Variants in NLGN1 observed in about 807,000 individuals in gnomAD.
The protein encoded by NLGN1 is neuroligin-1.
NLGN1 carries 12 observed loss-of-function variants against 65.5 expected under a neutral mutation model. The ratio of observed to expected loss-of-function variants is 0.18; its 90% CI spans 0.12 to 0.30. NLGN1 has a LOEUF of 0.30. NLGN1 is among the 10% of genes least tolerant of loss of function. The pLI is 1.00. For missense variants in NLGN1, 750 were observed against 1,007.1 expected (o/e 0.74, Z 3.46); for synonymous variants, 350 against 359.5 (o/e 0.97, Z 0.30).
intron 4 of NLGN1, among the ~76,000 whole-genome samples, chr3:174,167,144 C>T (rs1727649840): frequency 6.6e-6 from 1 of 152,040 alleles, no homozygotes; most frequent in African/African-American, 2.4e-5. Context: ...CAACTTGTCA[C>T]TCTGTGCCTT....
chr3:173,464,986 C>T (rs970732890), intron 2 of NLGN1, among the ~76,000 whole-genome samples: 5 of 152,038 alleles, frequency 3.3e-5, no homozygotes, highest in African/African-American at 1.2e-4. Context: ...ATTCATTCAA[C>T]TTCTACTTAA....
intron 2 of NLGN1, among the ~76,000 whole-genome samples, chr3:173,551,379 G>T (rs1406977341): frequency 3.3e-5 from 5 of 152,128 alleles, no homozygotes; most frequent in African/African-American, 1.2e-4. Context: ...CTGTATTATG[G>T]ATTCATTAAA....
chr3:174,267,968 G>A (rs1346050560), intron 4 of NLGN1, among the ~76,000 whole-genome samples: 1 of 152,056 alleles, frequency 6.6e-6, no homozygotes, highest in Non-Finnish European at 1.5e-5. Flanking sequence ...ACACTTAAGA[G>A]AGATAAAAAT....
At chr3:173,635,726 G>A (rs1192305155) in intron 3 of NLGN1, among the ~76,000 whole-genome samples, 1 of 152,054 alleles carries the variant, frequency 6.6e-6, no homozygotes, top group Non-Finnish European at 1.5e-5. Flanking sequence ...TTATTAATTA[G>A]AGGCATATTT....
intron 4 of NLGN1, among the ~76,000 whole-genome samples, chr3:174,195,459 G>A (rs568507779): frequency 1.6e-4 from 25 of 152,180 alleles, no homozygotes; most frequent in Middle Eastern, 3.4e-3. Context: ...TCAAAGAGAC[G>A]ATCTGAAAAA....
At chr3:174,074,759 G>C (rs1432358939) in intron 4 of NLGN1, among the ~76,000 whole-genome samples, 1 of 152,178 alleles carries the variant, frequency 6.6e-6, no homozygotes, top group Non-Finnish European at 1.5e-5. Context: ...TAGCGTGTAA[G>C]GGGCACATCA....
intron 3 of NLGN1, among the ~76,000 whole-genome samples, chr3:173,616,529 A>G (rs1753113824): frequency 6.6e-6 from 1 of 152,158 alleles, no homozygotes; most frequent in South Asian, 2.1e-4. Flanking sequence ...CTGAAGATGT[A>G]GGCTTCAAAT....
chr3:174,112,689 T>A (rs1715492450), intron 4 of NLGN1, among the ~76,000 whole-genome samples: 1 of 152,000 alleles, frequency 6.6e-6, no homozygotes, highest in Non-Finnish European at 1.5e-5. Context: ...ATTCATACAG[T>A]AGAAGACAAG....
chr3:174,253,518 A>G (rs962113202), intron 4 of NLGN1, among the ~76,000 whole-genome samples: 2 of 152,174 alleles, frequency 1.3e-5, no homozygotes, highest in Non-Finnish European at 2.9e-5. Context: ...TTGAATAGCT[A>G]ATCACTTGGC....
chr3:173,852,446 A>G (rs1727165680), intron 4 of NLGN1, among the ~76,000 whole-genome samples: 1 of 151,652 alleles, frequency 6.6e-6, no homozygotes, highest in African/African-American at 2.4e-5. Context: ...CAATAGGAGT[A>G]AAATATTCTG....
intron 3 of NLGN1, among the ~76,000 whole-genome samples, chr3:173,667,239 G>GCGCACACA (rs150296232): frequency 6.8e-6 from 1 of 147,328 alleles, no homozygotes; most frequent in South Asian, 2.1e-4. Flanking sequence ...ACACGCATAT[G>GCGCACACA]CACACACACA....
chr3:173,415,919 G>GAGAGGGAGAGAGA (rs1713651073), intron 1 of NLGN1, among the ~76,000 whole-genome samples: 3 of 125,204 alleles, frequency 2.4e-5, no homozygotes, highest in African/African-American at 6.6e-5. Context: ...AGAGAGAGAG[G>GAGAGGGAGAGAGA]GAGAGAGAGA....
chr3:174,058,162 T>C (rs1287848907), intron 4 of NLGN1, among the ~76,000 whole-genome samples: 3 of 152,142 alleles, frequency 2.0e-5, no homozygotes, highest in Non-Finnish European at 4.4e-5. Flanking sequence ...TTTCAAAGCC[T>C]TTCATATCAT....
chr3:174,167,683 T>C (rs1727775883), intron 4 of NLGN1, among the ~76,000 whole-genome samples: 1 of 151,360 alleles, frequency 6.6e-6, no homozygotes, highest in South Asian at 2.1e-4. Flanking sequence ...TATGCCTTGG[T>C]GATATTCATT....
At chr3:173,729,558 ATTG>A (rs1308214087) in intron 3 of NLGN1, among the ~76,000 whole-genome samples, 1 of 152,106 alleles carries the variant, frequency 6.6e-6, no homozygotes, top group African/African-American at 2.4e-5. Context: ...AATATGCAAA[ATTG>A]TAAGCTTTTC....
intron 3 of NLGN1, among the ~76,000 whole-genome samples, chr3:173,721,287 A>G (rs1172759789): frequency 2.6e-5 from 4 of 152,244 alleles, no homozygotes; most frequent in Admixed American, 6.5e-5. Context: ...CTTGTGTCCA[A>G]TCAAAAAGTA....
chr3:174,009,349 A>C (rs1422461890), intron 4 of NLGN1, among the ~76,000 whole-genome samples: 1 of 152,210 alleles, frequency 6.6e-6, no homozygotes, highest in African/African-American at 2.4e-5. Flanking sequence ...GGGAATAGGC[A>C]TTCAGGTCAT....
intron 3 of NLGN1, among the ~76,000 whole-genome samples, chr3:173,719,596 TGGGAAATCTATTG>T (rs1348738602): frequency 6.6e-6 from 1 of 151,740 alleles, no homozygotes; most frequent in African/African-American, 2.4e-5. Flanking sequence ...TAAAAAGATT[TGGGAAATCTATTG>T]GTAGATATTT....
chr3:174,208,644 C>A (rs541186983), intron 4 of NLGN1, among the ~76,000 whole-genome samples: 1 of 138,118 alleles, frequency 7.2e-6, no homozygotes, highest in Non-Finnish European at 1.5e-5. Flanking sequence ...ACAACTATTG[C>A]AAGATAGCGC....
Sources: gnomAD v4.1 joint callset for allele counts (sites outside exome capture counted in the v4.1 genomes callset) on GRCh38, gnomAD v4.1.1 for gene constraint, MANE v1.5 for transcripts, NCBI Gene and HGNC (gene_info 2026-07-23, HGNC 2026-07-21) for gene names.